Variants in WNK4 observed in about 807,000 individuals in gnomAD.
The protein encoded by WNK4 is serine/threonine-protein kinase WNK4.
A neutral mutation model predicts 116.2 loss-of-function variants in WNK4; 94 were observed. The observed-to-expected ratio is 0.81, with a 90% CI of 0.68 to 0.96. The LOEUF (loss-of-function observed/expected upper bound fraction) is 0.96, where lower values mean the gene tolerates loss of function less well. WNK4 is among the 40% of genes least tolerant of loss of function. The pLI is 0.00. For missense variants in WNK4, 1,542 were observed against 1,650.6 expected (o/e 0.93, Z 1.14); for synonymous variants, 655 against 672.7 (o/e 0.97, Z 0.41).
In WNK4 at chr17:42,780,790, CG is replaced by C. The variant is rs754554663; in HGVS notation, c.96del (p.Gln33SerfsTer38). Reference protein sequence around the residue: ...ALRPPPPLGTAGQPRLGPPPR... With the variant: ...ALRPPPPLGTXGQPRLGPPPR... ...CGGCCCCCGCCTCCTCTTGGCACCG[CG>C]GGGCAGCCCCGCCTCGGGCCCCCTC... is the stretch of plus-strand genomic sequence containing the variant. On this transcript the variant is annotated frameshift_variant, in exon 1 of 19. Coordinates refer to ENST00000246914, the MANE Select transcript of WNK4 (RefSeq NM_032387.5). LOFTEE classifies it high-confidence loss of function. The C allele has an allele frequency of 8.1e-6, 13 of 1,603,784 alleles. No individual in the cohort carries two copies. Among genetic ancestry groups the C allele is most frequent in the Non-Finnish European group, 7.6e-6 (9 of 1,178,354 alleles).
chr17:42,793,453 G>A (rs1443634771), intron 11 of WNK4, 139 bp from the exon 12 acceptor site: 21 of 1,116,538 alleles, frequency 1.9e-5, no homozygotes, highest in South Asian at 1.3e-4. Flanking sequence ...CAGGTGATCC[G>A]CCCGCCTCGG....
chr17:42,794,580 C>G, intron 12 of WNK4, 34 bp from the exon 13 acceptor site: 1 of 1,612,844 alleles, frequency 6.2e-7, no homozygotes, highest in South Asian at 1.1e-5. Flanking sequence ...CTGCTCTTCC[C>G]CACTGTGACT....
In WNK4 at chr17:42,782,711, CTG is replaced by C. The variant is rs1402793971; in HGVS notation, c.619-44_619-43del. The C allele has an allele frequency of 6.2e-7, 1 of 1,611,014 alleles. No individual in the cohort carries two copies. ...CCACTCCAGGTGTCCCTCTTCCTTTCTGTGGGTGTCCTGGGCCTGACATGACA... is the reference window on the plus strand; with the variant it reads ...CCACTCCAGGTGTCCCTCTTCCTTTCTGGGTGTCCTGGGCCTGACATGACA... On this transcript the variant is annotated intron_variant, in intron 1 of 18. Coordinates refer to ENST00000246914, the MANE Select transcript of WNK4 (RefSeq NM_032387.5). The surrounding 1 kb of genome is among the most constrained non-coding windows in gnomAD (Gnocchi z 4.2).
chr17:42,795,332 C>T lies in WNK4; in HGVS notation c.2911C>T (p.Pro971Ser). ...CCTGCCCCTTCCCCCTCCCGTTGCT[C>T]CTGGTGGCCAGGAAAGCCCTTCACC... Reference protein sequence around the residue: ...PSLPLPPPVAPGGQESPSPHT... With the variant: ...PSLPLPPPVASGGQESPSPHT... The change falls in exon 14 of 19, where the codon CCT (proline) becomes TCT (serine). Residue 971 changes from proline (P) to serine (S), a missense_variant. Physicochemically the swap from Pro to Ser is moderately conservative, Grantham distance 74 (BLOSUM62 -1). Transcript: ENST00000246914. The T allele has an allele frequency of 1.2e-6, 2 of 1,614,090 alleles. No individual in the cohort carries two copies. The highest frequency in any genetic ancestry group is 1.7e-6 in the Non-Finnish European group (2 of 1,180,024).
intron 11 of WNK4, among the ~76,000 whole-genome samples, chr17:42,791,672 G>C (rs960382838): frequency 6.7e-6 from 1 of 148,984 alleles, no homozygotes; most frequent in Non-Finnish European, 1.5e-5. Flanking sequence ...AAGAAAGATT[G>C]AATAGGCCGG....
rs200263366 is a variant in WNK4 at position 42,795,826 on chromosome 17, G to A, written c.3224G>A (p.Arg1075His). 10 of 1,613,866 alleles carry A rather than the reference G, an allele frequency of 6.2e-6. No homozygotes were observed. The highest frequency in any genetic ancestry group is 4.0e-5 in the African/African-American group (3 of 75,054). The change falls in exon 16 of 19, where the codon CGT (arginine) becomes CAT (histidine). Residue 1075 changes from arginine (R) to histidine (H), a missense_variant. Physicochemically the swap from Arg to His is conservative, Grantham distance 29 (BLOSUM62 0). Coordinates refer to ENST00000246914, the MANE Select transcript of WNK4 (RefSeq NM_032387.5). ...AGGGAAGCTCTGGCTGAGAGCGACC[G>A]TGCAGCTGAGGGTCTGGGGGCTGGA... ...ETREALAESD[R>H]AAEGLGAGVE...
Position 42,794,918 on chromosome 17 carries a change from T to C in WNK4, c.2497T>C (p.Ser833Pro), listed in dbSNP as rs890547041. Reference sequence around the variant, plus strand: ...CCCAGGTCCCATCTTCCCCATCACTTCTCCCCCATGTCATCCCAGCCCCTC... The same window carrying C: ...CCCAGGTCCCATCTTCCCCATCACTCCTCCCCCATGTCATCCCAGCCCCTC... The part of the protein sequence containing the change: ...ISPGPIFPIT[S>P]PPCHPSPSPF... The change falls in exon 14 of 19, where the codon TCT becomes CCT. Residue 833 changes from serine (S) to proline (P), a missense_variant. Around this residue, in one of 7 missense-constraint regions of WNK4, gnomAD observed 808 missense variants for 873.6 expected, o/e 0.92. Coordinates refer to ENST00000246914, the MANE Select transcript of WNK4 (RefSeq NM_032387.5). 6.2e-7 allele frequency: 1 copy of C among 1,606,666 alleles called. No homozygotes were observed. The highest frequency in any genetic ancestry group is 8.5e-7 in the Non-Finnish European group (1 of 1,177,252).
At position 42,785,453 on chromosome 17, in the gene WNK4, G is replaced by A. The variant is rs2144022302; in HGVS notation, c.1447G>A (p.Asp483Asn). ...CGAGTTCCTGTTCCAGCTGGGCCGG[G>A]ACGCGGCCGAGGAGGTGGCACAGGA... The part of the protein sequence containing the change: ...AIEFLFQLGR[D>N]AAEEVAQEMV... Residue 483 changes from aspartate to asparagine, a missense_variant, in exon 6 of 19, where the codon GAC becomes AAC. By Grantham distance (23) the Asp-to-Asn change is conservative. Coordinates refer to ENST00000246914, the MANE Select transcript of WNK4 (RefSeq NM_032387.5). The A allele has an allele frequency of 1.3e-6, 2 of 1,554,216 alleles. No individual in the cohort carries two copies. Among genetic ancestry groups the A allele is most frequent in the East Asian group, 2.4e-5 (1 of 41,296 alleles).
At chr17:42,794,450 C>T in intron 12 of WNK4, 164 bp from the exon 13 acceptor site, 1 of 734,102 alleles carries the variant, frequency 1.4e-6, no homozygotes, top group South Asian at 1.6e-5. Flanking sequence ...GACATCATGC[C>T]CTTTTACCTC....
At chr17:42,781,463 G>A (rs973908672) in intron 1 of WNK4, 147 bp downstream of exon 1, 11 of 1,142,018 alleles carry the variant, frequency 9.6e-6, no homozygotes, top group Admixed American at 2.2e-5. Flanking sequence ...TCTTTGCCCT[G>A]AATGATCTGG....
At chr17:42,787,737 T>A (rs2054566007) in intron 7 of WNK4, 41 bp from the exon 8 acceptor site, 2 of 1,607,466 alleles carry the variant, frequency 1.2e-6, no homozygotes, top group Non-Finnish European at 8.5e-7. Context: ...CACTATTCCC[T>A]TTTATTTCCC....
chr17:42,784,089 GCT>G lies in WNK4; in HGVS notation c.947_948del (p.Ser316CysfsTer38). ...AATGTCTTTATCACGGGACCTACTGGCTCTGTCAAAATCGGGGACCTGGGCCT... is the reference window on the plus strand; with the variant it reads ...AATGTCTTTATCACGGGACCTACTGGCTGTCAAAATCGGGGACCTGGGCCT... On this transcript the variant is annotated frameshift_variant, in exon 3 of 19. Coordinates refer to ENST00000246914, the MANE Select transcript of WNK4 (RefSeq NM_032387.5). LOFTEE classifies it high-confidence loss of function. This position sits in a 1 kb window ranked among gnomAD's most constrained non-coding sequence, Gnocchi z 4.4. The G allele has an allele frequency of 6.2e-7, 1 of 1,612,530 alleles. No individual in the cohort carries two copies. The highest frequency in any genetic ancestry group is 1.1e-5 in the South Asian group (1 of 91,082).
chr17:42,796,549 G>A lies in WNK4; in HGVS notation c.3700G>A (p.Val1234Met), dbSNP rs1033315225. 1.9e-6 allele frequency: 3 copies of A among 1,614,148 alleles called. No homozygotes were observed. The highest frequency in any genetic ancestry group is 1.7e-5 in the Admixed American group (1 of 60,032). ...GSQEQRASKG[V>M]TFAGDVGRM is the part of the protein sequence containing the mutation. Reference sequence around the variant, plus strand: ...CCAGGAGCAGCGGGCAAGCAAGGGGGTGACATTCGCCGGGGATGTTGGCAG... The same window carrying A: ...CCAGGAGCAGCGGGCAAGCAAGGGGATGACATTCGCCGGGGATGTTGGCAG... Residue 1234 changes from valine to methionine, a missense_variant, in exon 18 of 19, where the codon GTG becomes ATG. Physicochemically the swap from Val to Met is conservative, Grantham distance 21. Around this residue, in one of 7 missense-constraint regions of WNK4, gnomAD observed 148 missense variants for 157.2 expected, o/e 0.94. Transcript: ENST00000246914.
rs749459405 is a variant in WNK4, at chr17:42,780,777, C to T, written c.79C>T (p.Pro27Ser). Residue 27 changes from proline (P) to serine (S), a missense_variant, in exon 1 of 19, where the codon CCT becomes TCT. Pro to Ser is a moderately conservative substitution (Grantham distance 74). Coordinates refer to ENST00000246914, the MANE Select transcript of WNK4 (RefSeq NM_032387.5). ...CGACCTGGCCCTGCGGCCCCCGCCT[C>T]CTCTTGGCACCGCGGGGCAGCCCCG... The part of the protein sequence containing the change: ...EADLALRPPP[P>S]LGTAGQPRLG... 2.5e-6 allele frequency: 4 copies of T among 1,606,276 alleles called. No individual in the cohort carries two copies. Among genetic ancestry groups the T allele is most frequent in the Admixed American group, 1.7e-5 (1 of 59,934 alleles).
chr17:42,783,989 C>A lies in WNK4; in HGVS notation c.844C>A (p.Arg282Ser). ...MKPRVLQRWS[R>S]QILRGLHFLH... ...GCCGCGGGTCCTTCAGCGCTGGAGC[C>A]GCCAAATCCTGCGGGGACTTCATTT... is the stretch of plus-strand genomic sequence containing the variant. Residue 282 changes from arginine (R) to serine (S), a missense_variant, in exon 3 of 19, where the codon CGC (arginine) becomes AGC (serine). Physicochemically the swap from Arg to Ser is moderately radical, Grantham distance 110 (BLOSUM62 -1). This residue lies in a region of WNK4 where 808 missense variants were observed against 873.6 expected (regional missense o/e 0.92). Coordinates refer to ENST00000246914, the MANE Select transcript of WNK4 (RefSeq NM_032387.5). 1 of 1,614,068 alleles carries A rather than the reference C, an allele frequency of 6.2e-7. No homozygotes were observed. The highest frequency in any genetic ancestry group is 8.5e-7 in the Non-Finnish European group (1 of 1,180,020).
In WNK4 at chr17:42,785,293, C is replaced by T; in HGVS notation, c.1287C>T (p.His429=). The change falls in exon 6 of 19, where the codon CAC becomes CAT. Residue 429 remains histidine (H), a synonymous_variant. Coordinates refer to ENST00000246914, the MANE Select transcript of WNK4 (RefSeq NM_032387.5). The stretch of plus-strand genomic sequence containing the variant: ...TCACCATCCAGGACCTCCTGGCCCA[C>T]GCCTTCTTCCGCGAGGAGCGCGGTG... ...ERFTIQDLLA[H]AFFREERGVH... The T allele has an allele frequency of 6.2e-7, 1 of 1,611,578 alleles. No homozygotes were observed. Among genetic ancestry groups the T allele is most frequent in the African/African-American group, 1.3e-5 (1 of 75,054 alleles).
rs2054514504 is a variant in WNK4 at position 42,784,042 on chromosome 17, G to A, written c.897G>A (p.Leu299=). Residue 299 remains leucine, a synonymous_variant, in exon 3 of 19, where the codon CTG becomes CTA. Coordinates refer to ENST00000246914, the MANE Select transcript of WNK4 (RefSeq NM_032387.5). This position sits in a 1 kb window ranked among gnomAD's most constrained non-coding sequence, Gnocchi z 4.4. The part of the protein sequence containing the change: ...HFLHSRVPPI[L]HRDLKCDNVF... Reference sequence around the variant, plus strand: ...TACACTCCCGGGTTCCTCCCATCCTGCACCGGGATCTCAAGTGCGACAATG... The same window carrying A: ...TACACTCCCGGGTTCCTCCCATCCTACACCGGGATCTCAAGTGCGACAATG... 1 of 1,613,802 alleles carries A rather than the reference G, an allele frequency of 6.2e-7. No homozygotes were observed. Among genetic ancestry groups the A allele is most frequent in the African/African-American group, 1.3e-5 (1 of 74,946 alleles).
chr17:42,785,625 T>C, intron 6 of WNK4, 143 bp downstream of exon 6: 2 of 1,052,926 alleles, frequency 1.9e-6, no homozygotes, highest in South Asian at 1.5e-5. Flanking sequence ...CTGCAGCGTC[T>C]CCCTACCTCT....
In WNK4 at chr17:42,784,308, C is replaced by G; in HGVS notation, c.1013-114C>G. The G allele has an allele frequency of 6.5e-7, 1 of 1,546,698 alleles. No homozygotes were observed. The highest frequency in any genetic ancestry group is 8.8e-7 in the Non-Finnish European group (1 of 1,133,000). ...GGAGACCTATGGCACCCACCTCAAC[C>G]CCACTGTGGGCCGGGGTCACTTGCA... On this transcript the variant is annotated intron_variant, in intron 3 of 18. Transcript: ENST00000246914. The surrounding 1 kb of genome is among the most constrained non-coding windows in gnomAD (Gnocchi z 4.4).
Sources: gnomAD v4.1 joint callset for allele counts (sites outside exome capture counted in the v4.1 genomes callset) on GRCh38, gnomAD v4.1.1 for gene constraint, gnomAD v4.1.1 regional missense constraint, Gnocchi (gnomAD v3.1) non-coding constraint, MANE v1.5 for transcripts, NCBI Gene and HGNC (gene_info 2026-07-23, HGNC 2026-07-21) for gene names.